PTPRJ: variants seen among roughly 807,000 people sequenced by gnomAD.
The protein encoded by PTPRJ is receptor-type tyrosine-protein phosphatase eta.
PTPRJ carries 129 observed loss-of-function variants against 141.3 expected under a neutral mutation model. That is an observed-to-expected ratio of 0.91 (90% confidence interval 0.79 to 1.06). The LOEUF (loss-of-function observed/expected upper bound fraction) is 1.06. Ranked by LOEUF, PTPRJ falls within the 50% of genes least tolerant of loss-of-function variation. PTPRJ has a pLI of 0.00. For missense variants in PTPRJ, 1,601 were observed against 1,679.7 expected (o/e 0.95, Z 0.82); for synonymous variants, 610 against 640.5 (o/e 0.95, Z 0.72).
At chr11:48,066,191 C>G (rs971715264) in intron 1 of PTPRJ, among the ~76,000 whole-genome samples, 1 of 152,086 alleles carries the variant, frequency 6.6e-6, no homozygotes, top group Non-Finnish European at 1.5e-5. Flanking sequence ...CGTATTGCAG[C>G]AAGTACTTAA....
At chr11:48,062,679 C>T (rs941615484) in intron 1 of PTPRJ, among the ~76,000 whole-genome samples, 1 of 152,152 alleles carries the variant, frequency 6.6e-6, no homozygotes, top group Non-Finnish European at 1.5e-5. Flanking sequence ...GCTGGAGCAG[C>T]GTCAAGGAAG....
At position 48,156,184 on chromosome 11, in the gene PTPRJ, G is replaced by T. The variant is rs988585515; in HGVS notation, c.3438+65G>T. The T allele has an allele frequency of 2.7e-5, 37 of 1,377,200 alleles. No homozygotes were observed. In the African/African-American group the frequency reaches 5.3e-4, roughly 20 times the overall value. 85.3% of individuals were successfully genotyped at this position (1,377,200 alleles called of 1,614,324 possible). On this transcript the variant is annotated intron_variant, in intron 21 of 24. Coordinates refer to ENST00000418331, the MANE Select transcript of PTPRJ (RefSeq NM_002843.4). ...TAATTGCTTTTTATTGTGGCAGAAG[G>T]GTATCTTAAAAACCATTTGTTTCTT...
intron 1 of PTPRJ, among the ~76,000 whole-genome samples, chr11:48,050,945 T>C (rs987217315): frequency 6.6e-6 from 1 of 152,104 alleles, no homozygotes; most frequent in Non-Finnish European, 1.5e-5. Flanking sequence ...TGGGAGTGGC[T>C]GGTTTCTAGG....
chr11:48,076,810 G>A (rs1448094328), intron 1 of PTPRJ, among the ~76,000 whole-genome samples: 1 of 149,832 alleles, frequency 6.7e-6, no homozygotes, highest in Non-Finnish European at 1.5e-5. Context: ...AGATGTCTTA[G>A]AGAAATGAAA....
chr11:47,996,895 C>T (rs1474762981), intron 1 of PTPRJ, among the ~76,000 whole-genome samples: 1 of 152,208 alleles, frequency 6.6e-6, no homozygotes, highest in Admixed American at 6.5e-5. Context: ...AAGACTCAGA[C>T]CCTCAGCTTC....
chr11:48,076,278 T>C (rs982912751), intron 1 of PTPRJ, among the ~76,000 whole-genome samples: 4 of 152,202 alleles, frequency 2.6e-5, no homozygotes, highest in Non-Finnish European at 4.4e-5. Flanking sequence ...TCTTACCTCT[T>C]CTGTTTCTCT....
chr11:48,029,737 A>G (rs1209401913), intron 1 of PTPRJ, among the ~76,000 whole-genome samples: 1 of 151,924 alleles, frequency 6.6e-6, no homozygotes, highest in East Asian at 1.9e-4. Flanking sequence ...GTTTTTTTTG[A>G]GGAGGATAGA....
chr11:48,010,609 C>T (rs1045370201), intron 1 of PTPRJ, among the ~76,000 whole-genome samples: 9 of 151,986 alleles, frequency 5.9e-5, no homozygotes, highest in Non-Finnish European at 7.4e-5. Context: ...GTGATCTTGG[C>T]GCACTGCAAC....
intron 18 of PTPRJ, among the ~76,000 whole-genome samples, chr11:48,151,385 A>C (rs1018663780): frequency 6.7e-6 from 1 of 148,532 alleles, no homozygotes; most frequent in Non-Finnish European, 1.5e-5. Flanking sequence ...CTATAAGGAC[A>C]CTAGTCATAT....
At chr11:48,019,897 T>C (rs866105556) in intron 1 of PTPRJ, among the ~76,000 whole-genome samples, 2 of 152,278 alleles carry the variant, frequency 1.3e-5, no homozygotes, top group African/African-American at 4.8e-5. Flanking sequence ...TATATTTGCT[T>C]TGCATCACAT....
rs1299881463 is a variant in PTPRJ at position 48,169,037 on chromosome 11, C to T, written c.*1675C>T. On this transcript the variant is annotated 3_prime_UTR_variant, in exon 25 of 25. Transcript: ENST00000418331. Reference sequence around the variant, plus strand: ...AATGTGAGCGGGCTCTTCCAGCCTCCTGGTCCCTCCTGACTCTGCCACGCC... The same window carrying T: ...AATGTGAGCGGGCTCTTCCAGCCTCTTGGTCCCTCCTGACTCTGCCACGCC... 1 of 152,230 alleles carries T rather than the reference C, an allele frequency of 6.6e-6. No homozygotes were observed. Among genetic ancestry groups the T allele is most frequent in the Non-Finnish European group, 1.5e-5 (1 of 68,120 alleles). 9.4% of individuals were successfully genotyped at this position (152,230 alleles called of 1,614,324 possible). A position where few individuals can be genotyped will look rare whatever the true frequency, so the allele number is the denominator to read the frequency against.
At chr11:47,989,798 C>G (rs998380346) in intron 1 of PTPRJ, among the ~76,000 whole-genome samples, 1 of 152,096 alleles carries the variant, frequency 6.6e-6, no homozygotes, top group African/African-American at 2.4e-5. Flanking sequence ...AAATAAGACC[C>G]TAGGGTGGTG....
At chr11:48,034,606 T>C (rs1854072025) in intron 1 of PTPRJ, among the ~76,000 whole-genome samples, 1 of 152,182 alleles carries the variant, frequency 6.6e-6, no homozygotes, top group Non-Finnish European at 1.5e-5. Context: ...GCTTTGTACA[T>C]ATTACTTGTT....
intron 1 of PTPRJ, among the ~76,000 whole-genome samples, chr11:48,020,956 A>G (rs1320016315): frequency 6.6e-6 from 1 of 152,208 alleles, no homozygotes; most frequent in African/African-American, 2.4e-5. Context: ...AAGATCCCCA[A>G]AAGGGCAGGC....
At chr11:47,995,308 G>A (rs748763598) in intron 1 of PTPRJ, among the ~76,000 whole-genome samples, 2 of 152,196 alleles carry the variant, frequency 1.3e-5, no homozygotes, top group Non-Finnish European at 2.9e-5. Context: ...ATCCTATGAC[G>A]TAGGTATAGG....
intron 9 of PTPRJ, 70 bp from the exon 10 acceptor site, chr11:48,136,933 T>G (rs1857115251): frequency 1.1e-4 from 157 of 1,408,210 alleles, no homozygotes; most frequent in Non-Finnish European, 3.9e-6. Context: ...TATTTTTGGA[T>G]ATAGTAAATA....
chr11:48,007,424 C>CT (rs563118220), intron 1 of PTPRJ, among the ~76,000 whole-genome samples: 114 of 148,388 alleles, frequency 7.7e-4, no homozygotes, highest in Non-Finnish European at 1.3e-3. Context: ...TTTTTCTTTT[C>CT]TTTTTTTTTT....
chr11:48,042,592 TC>T (rs776816814), intron 1 of PTPRJ, among the ~76,000 whole-genome samples: 12 of 152,148 alleles, frequency 7.9e-5, no homozygotes, highest in Non-Finnish European at 1.2e-4. Flanking sequence ...TGATTGGAAA[TC>T]CCTTCCTCCC....
intron 1 of PTPRJ, among the ~76,000 whole-genome samples, chr11:47,987,077 G>A (rs1854069253): frequency 6.6e-6 from 1 of 152,064 alleles, no homozygotes; most frequent in Non-Finnish European, 1.5e-5. Context: ...GCATGGTGGT[G>A]TGGACCTGTG....
Sources: gnomAD v4.1 joint callset for allele counts (sites outside exome capture counted in the v4.1 genomes callset) on GRCh38, gnomAD v4.1.1 for gene constraint, MANE v1.5 for transcripts, NCBI Gene and HGNC (gene_info 2026-07-23, HGNC 2026-07-21) for gene names.